The following RXFP1 variants were observed in gnomAD, a reference collection of about 807,000 sequenced individuals.
The protein encoded by RXFP1 is relaxin family peptide receptor 1.
Under a neutral mutation model 89.8 loss-of-function variants are expected in RXFP1, and 73 were observed. That is an observed-to-expected ratio of 0.81 (90% CI 0.67 to 0.99). The LOEUF (loss-of-function observed/expected upper bound fraction) is 0.99. Ranked by LOEUF, RXFP1 falls within the 50% of genes least tolerant of loss-of-function variation. The pLI, the probability that RXFP1 is intolerant of heterozygous loss-of-function variation, is 0.00. For synonymous variants in RXFP1, 277 were observed against 305.5 expected (o/e 0.91, Z 0.97); for missense variants, 793 against 895.5 (o/e 0.89, Z 1.46).
At chr4:158,637,104 C>A (rs1769323923) in intron 12 of RXFP1, among the ~76,000 whole-genome samples, 1 of 152,098 alleles carries the variant, frequency 6.6e-6, no homozygotes, top group Non-Finnish European at 1.5e-5. Flanking sequence ...GAATAGTATT[C>A]TATTGTGTAT....
chr4:158,603,630 G>A (rs1047910278), intron 4 of RXFP1, among the ~76,000 whole-genome samples: 5 of 151,406 alleles, frequency 3.3e-5, no homozygotes, highest in East Asian at 1.9e-4. Flanking sequence ...AGTGGCTCAC[G>A]CCTGTAATCC....
chr4:158,562,523 CAAAAAAA>C lies in RXFP1; in HGVS notation c.50-10153_50-10147del, dbSNP rs55944906. Among the ~76,000 whole-genome samples the C allele has an allele frequency of 7.9e-3, 201 of 25,336 alleles. No homozygotes were observed. In the Middle Eastern group the frequency reaches 0.17, roughly 21 times the overall value. The allele number at this position is 25,336 out of a possible 152,430, so 16.6% of individuals were successfully genotyped here. ...TGGGCGACAGAGCGAGACTCCGTCT[CAAAAAAA>C]AAAAAAAAAAAAAAAAAAAAATACA... On this transcript the variant is annotated intron_variant, in intron 1 of 17. Coordinates refer to ENST00000307765, the MANE Select transcript of RXFP1 (RefSeq NM_021634.4).
chr4:158,521,909 G>A lies in RXFP1; in HGVS notation c.-68G>A, dbSNP rs138368432. The A allele has an allele frequency of 2.4e-3, 2,454 of 1,006,294 alleles. 31 individuals carry two copies. The African/African-American group carries it at 0.031, about 13-fold the overall frequency. The allele number at this position is 1,006,294 out of a possible 1,614,324, so 62.3% of individuals were successfully genotyped here. On this transcript the variant is annotated 5_prime_UTR_variant, in exon 1 of 18. Transcript: ENST00000307765. ...AAATAGCACACAACCACTGTGAGCT[G>A]TATGCGATTCAGAAACCAAGACCAA...
chr4:158,622,833 G>A (rs927937762), intron 9 of RXFP1, among the ~76,000 whole-genome samples: 11 of 152,152 alleles, frequency 7.2e-5, no homozygotes, highest in African/African-American at 2.4e-4. Flanking sequence ...GTGGAAATTT[G>A]CTAAAAGGGT....
intron 2 of RXFP1, among the ~76,000 whole-genome samples, chr4:158,581,636 G>C (rs1757373707): frequency 1.3e-5 from 2 of 152,124 alleles, no homozygotes. Flanking sequence ...TTTCCATTTT[G>C]AGTGCTTTAT....
At chr4:158,550,318 A>G (rs1386110568) in intron 1 of RXFP1, among the ~76,000 whole-genome samples, 1 of 152,236 alleles carries the variant, frequency 6.6e-6, no homozygotes, top group Non-Finnish European at 1.5e-5. Context: ...GTATTAGGGT[A>G]GAAGTGATCC....
intron 14 of RXFP1, among the ~76,000 whole-genome samples, chr4:158,639,898 C>T (rs939293727): frequency 2.0e-5 from 3 of 152,140 alleles, no homozygotes; most frequent in East Asian, 1.9e-4. Context: ...ACTCTGGAGA[C>T]GACCCTTGCC....
In RXFP1 at chr4:158,543,423, C is replaced by T. The variant is rs190053764; in HGVS notation, c.49+21398C>T. Among the ~76,000 whole-genome samples the T allele has an allele frequency of 6.6e-5, 10 of 152,306 alleles. No homozygotes were observed. In the East Asian group the frequency reaches 1.9e-3, roughly 29 times the overall value. Reference sequence around the variant, plus strand: ...AAGAAGATTTCTAGTTTTTAGGTCTCATGGTCAGAATTGGGTCACACAGTC... The same window carrying T: ...AAGAAGATTTCTAGTTTTTAGGTCTTATGGTCAGAATTGGGTCACACAGTC... On this transcript the variant is annotated intron_variant, in intron 1 of 17. Transcript: ENST00000307765.
At chr4:158,614,784 C>T (rs566160229) in intron 8 of RXFP1, among the ~76,000 whole-genome samples, 1 of 152,248 alleles carries the variant, frequency 6.6e-6, no homozygotes, top group Admixed American at 6.5e-5. Context: ...TTAGCATTCA[C>T]AATTCGGCTA....
At chr4:158,566,550 A>C (rs1245005727) in intron 1 of RXFP1, among the ~76,000 whole-genome samples, 1 of 152,012 alleles carries the variant, frequency 6.6e-6, no homozygotes, top group Non-Finnish European at 1.5e-5. Context: ...TTTTTAGTAG[A>C]GATGAGGTTT....
At chr4:158,597,694 T>C (rs769349347) in intron 3 of RXFP1, among the ~76,000 whole-genome samples, 1 of 152,174 alleles carries the variant, frequency 6.6e-6, no homozygotes, top group Non-Finnish European at 1.5e-5. Context: ...ATTATCTTAA[T>C]TTAGTCTCTG....
At chr4:158,547,273 T>C (rs561390380) in intron 1 of RXFP1, among the ~76,000 whole-genome samples, 33 of 152,360 alleles carry the variant, frequency 2.2e-4, no homozygotes, top group African/African-American at 7.7e-4. Flanking sequence ...GTAGTTTGTA[T>C]TTCTGTGGGA....
intron 2 of RXFP1, among the ~76,000 whole-genome samples, chr4:158,587,887 A>C (rs1758601926): frequency 1.3e-5 from 2 of 152,156 alleles, no homozygotes; most frequent in Admixed American, 6.5e-5. Context: ...GACTTCTTTC[A>C]GGGCTAAATG....
intron 1 of RXFP1, among the ~76,000 whole-genome samples, chr4:158,550,035 G>C (rs1214181270): frequency 6.6e-6 from 1 of 152,202 alleles, no homozygotes; most frequent in African/African-American, 2.4e-5. Context: ...GTTTGTCTGT[G>C]CCCTGCCCCC....
intron 2 of RXFP1, among the ~76,000 whole-genome samples, chr4:158,587,861 G>C (rs186134719): frequency 1.2e-3 from 176 of 152,160 alleles, no homozygotes; most frequent in Admixed American, 3.3e-3. Flanking sequence ...CAACATGATG[G>C]GTACTTGCTA....
At chr4:158,630,174 G>A (rs1360754120) in intron 11 of RXFP1, among the ~76,000 whole-genome samples, 1 of 152,110 alleles carries the variant, frequency 6.6e-6, no homozygotes, top group African/African-American at 2.4e-5. Context: ...CCTGCATTCT[G>A]CCCCAAAACA....
At chr4:158,632,258 T>C (rs1172223279) in intron 11 of RXFP1, among the ~76,000 whole-genome samples, 1 of 152,210 alleles carries the variant, frequency 6.6e-6, no homozygotes, top group Non-Finnish European at 1.5e-5. Context: ...TTTATAATAT[T>C]TATCACATTA....
intron 1 of RXFP1, among the ~76,000 whole-genome samples, chr4:158,570,456 C>G (rs770239853): frequency 5.3e-5 from 8 of 151,984 alleles, no homozygotes; most frequent in Non-Finnish European, 1.0e-4. Flanking sequence ...CCTACCTTTC[C>G]CCCAGAGAGT....
chr4:158,527,413 G>A (rs1742798437), intron 1 of RXFP1, among the ~76,000 whole-genome samples: 2 of 151,080 alleles, frequency 1.3e-5, no homozygotes, highest in African/African-American at 4.9e-5. Context: ...CGTGGTGGTG[G>A]GCGTCTGTAA....
Sources: gnomAD v4.1 joint callset for allele counts (sites outside exome capture counted in the v4.1 genomes callset) on GRCh38, gnomAD v4.1.1 for gene constraint, MANE v1.5 for transcripts, NCBI Gene and HGNC (gene_info 2026-07-23, HGNC 2026-07-21) for gene names.